Variants in PARN observed in about 807,000 individuals in gnomAD.
PARN encodes poly(A)-specific ribonuclease PARN.
PARN carries 71 observed loss-of-function variants against 102.8 expected under a neutral mutation model. The ratio of observed to expected loss-of-function variants is 0.69; its 90% CI spans 0.57 to 0.84. PARN has a LOEUF of 0.84. Ranked by LOEUF, PARN falls within the 40% of genes least tolerant of loss-of-function variation. The probability of loss-of-function intolerance (pLI) is 0.00; values close to 1 mark genes in which losing one functional copy is unlikely to be tolerated. For synonymous variants in PARN, 261 were observed against 252.9 expected, an observed-to-expected ratio of 1.03 and a Z score of -0.30; for missense variants, 782 against 760.9, an observed-to-expected ratio of 1.03 and a Z score of -0.33.
At chr16:14,554,929 C>T (rs556100514) in intron 19 of PARN, among the ~76,000 whole-genome samples, 1 of 152,124 alleles carries the variant, frequency 6.6e-6, no homozygotes, top group African/African-American at 2.4e-5. Context: ...AAACCTAGAA[C>T]TTATTTGTGC....
At chr16:14,501,853 T>C (rs562192740) in intron 21 of PARN, among the ~76,000 whole-genome samples, 209 of 152,274 alleles carry the variant, frequency 1.4e-3, no homozygotes, top group South Asian at 9.8e-3. Flanking sequence ...CACACACCCA[T>C]TGGAGCCTGT....
intron 22 of PARN, among the ~76,000 whole-genome samples, chr16:14,448,443 G>A (rs1005030667): frequency 1.3e-5 from 2 of 151,406 alleles, no homozygotes; most frequent in Non-Finnish European, 2.9e-5. Flanking sequence ...TACCACGCCC[G>A]GCCTCTGCTA....
intron 22 of PARN, among the ~76,000 whole-genome samples, chr16:14,458,968 T>C (rs1474240538): frequency 6.6e-6 from 1 of 152,100 alleles, no homozygotes; most frequent in Admixed American, 6.6e-5. Context: ...CTTCTGCCAA[T>C]CTGTACCCAG....
intron 22 of PARN, among the ~76,000 whole-genome samples, chr16:14,462,457 G>A (rs1269767175): frequency 6.6e-6 from 1 of 151,940 alleles, no homozygotes; most frequent in Non-Finnish European, 1.5e-5. Flanking sequence ...AAACTGTCAA[G>A]GAAATAAAAC....
intron 21 of PARN, among the ~76,000 whole-genome samples, chr16:14,524,620 AAT>A (rs1239374756): frequency 2.6e-5 from 4 of 152,228 alleles, no homozygotes; most frequent in Admixed American, 6.5e-5. Context: ...ATTTACTTAA[AAT>A]ATGTTACTGA....
At chr16:14,553,256 T>TAA (rs58411352) in intron 20 of PARN, among the ~76,000 whole-genome samples, 14 of 117,392 alleles carry the variant, frequency 1.2e-4, no homozygotes, top group African/African-American at 1.7e-4. Flanking sequence ...TATTTCTATT[T>TAA]AAAAAAAAAA....
At chr16:14,519,458 G>T (rs1157546589) in intron 21 of PARN, among the ~76,000 whole-genome samples, 1 of 152,024 alleles carries the variant, frequency 6.6e-6, no homozygotes, top group Non-Finnish European at 1.5e-5. Context: ...ATGAGGTCTC[G>T]AAATGCCATT....
At chr16:14,556,192 T>C (rs538299270) in intron 18 of PARN, among the ~76,000 whole-genome samples, 12 of 151,468 alleles carry the variant, frequency 7.9e-5, no homozygotes, top group Admixed American at 3.3e-4. Context: ...CGGAGTCTTA[T>C]TCTGTCGCCA....
At chr16:14,436,835 G>A (rs557294569) in intron 23 of PARN, 63 bp from the exon 24 acceptor site, 340 of 1,197,822 alleles carry the variant, frequency 2.8e-4, no homozygotes, top group Middle Eastern at 1.5e-3. Flanking sequence ...AGGAGAGCAT[G>A]ACATGACCAG....
chr16:14,615,094 AT>A (rs1008954536), intron 6 of PARN, among the ~76,000 whole-genome samples: 1 of 152,092 alleles, frequency 6.6e-6, no homozygotes, highest in Non-Finnish European at 1.5e-5. Flanking sequence ...AGGGCCTGAC[AT>A]TTACAGAGCC....
chr16:14,508,459 T>C (rs963369207), intron 21 of PARN, among the ~76,000 whole-genome samples: 2 of 152,060 alleles, frequency 1.3e-5, no homozygotes, highest in Non-Finnish European at 2.9e-5. Flanking sequence ...ACTCAGAACA[T>C]AATATAAGAT....
intron 22 of PARN, among the ~76,000 whole-genome samples, chr16:14,455,408 T>A (rs1353166027): frequency 1.3e-5 from 2 of 152,178 alleles, no homozygotes; most frequent in African/African-American, 4.8e-5. Context: ...TATTCCACAA[T>A]CATATTCACA....
In PARN at chr16:14,482,831, C is replaced by A. The variant is rs1467351127; in HGVS notation, c.1481-4G>T. The A allele has an allele frequency of 3.8e-6, 6 of 1,583,126 alleles. No individual in the cohort carries two copies. The highest frequency in any genetic ancestry group is 3.8e-5 in the Admixed American group (2 of 52,022). On this transcript the variant is annotated splice_polypyrimidine_tract_variant and splice_region_variant and intron_variant, in intron 21 of 23. Coordinates refer to ENST00000437198, the MANE Select transcript of PARN (RefSeq NM_002582.4). Reference sequence around the variant, plus strand: ...GCATATTTGCTGGTATTGACAGCTACAAGGAAAAGAAAAAAAAATAAAATG... The same window carrying A: ...GCATATTTGCTGGTATTGACAGCTAAAAGGAAAAGAAAAAAAAATAAAATG...
In PARN at chr16:14,554,058, G is replaced by A. The variant is rs529494184; in HGVS notation, c.1405+7C>T. On this transcript the variant is annotated splice_region_variant and intron_variant, in intron 20 of 23. Coordinates refer to ENST00000437198, the MANE Select transcript of PARN (RefSeq NM_002582.4). ...CCCTAAAAAGTACATCTGAACTTGCGACTTACCAAAGGCACTGAAAAGCTG... is the reference window on the plus strand; with the variant it reads ...CCCTAAAAAGTACATCTGAACTTGCAACTTACCAAAGGCACTGAAAAGCTG... 61 of 1,596,864 alleles carry A rather than the reference G, an allele frequency of 3.8e-5. No homozygotes were observed. Among genetic ancestry groups the A allele is most frequent in the African/African-American group, 3.2e-4 (24 of 74,692 alleles).
intron 22 of PARN, among the ~76,000 whole-genome samples, chr16:14,463,738 A>G (rs1962134813): frequency 6.6e-6 from 1 of 151,990 alleles, no homozygotes; most frequent in Non-Finnish European, 1.5e-5. Flanking sequence ...GCACCTCAAT[A>G]TACATGAGTA....
chr16:14,625,391 G>C (rs947226545), intron 5 of PARN, among the ~76,000 whole-genome samples: 4 of 152,066 alleles, frequency 2.6e-5, no homozygotes, highest in South Asian at 2.1e-4. Context: ...CAGCTACTCG[G>C]GAGGCTGAGG....
intron 13 of PARN, 101 bp downstream of exon 13, chr16:14,593,200 G>A (rs1970301498): frequency 1.5e-6 from 1 of 655,342 alleles, no homozygotes; most frequent in East Asian, 2.8e-5. Context: ...CAAGGAAATG[G>A]CACCCAAGTA....
chr16:14,628,308 C>CCA, intron 2 of PARN, 57 bp from the exon 3 acceptor site: 1 of 958,374 alleles, frequency 1.0e-6, no homozygotes, highest in South Asian at 1.4e-5. Context: ...CGTAAAAATG[C>CCA]CAGTCAATCA....
rs1052429576 is a variant in PARN at position 14,436,608 on chromosome 16, C to T, written c.*109G>A. The T allele has an allele frequency of 1.4e-5, 11 of 767,304 alleles. No homozygotes were observed. The African/African-American group carries it at 1.8e-4, about 12-fold the overall frequency. 47.5% of individuals were successfully genotyped at this position (767,304 alleles called of 1,614,324 possible). ...CCCAGGAGACAACTTGGTTTCCAAC[C>T]CCTCCCATACCACATTTGATTAAGT... On this transcript the variant is annotated 3_prime_UTR_variant, in exon 24 of 24. Coordinates refer to ENST00000437198, the MANE Select transcript of PARN (RefSeq NM_002582.4).
Sources: allele counts gnomAD v4.1 joint callset (sites outside exome capture counted in the v4.1 genomes callset), GRCh38; gene constraint gnomAD v4.1.1; transcripts MANE v1.5; gene names NCBI Gene and HGNC (gene_info 2026-07-23, HGNC 2026-07-21).